Variants in KCNIP4 observed in about 807,000 individuals in gnomAD.
The protein encoded by KCNIP4 is potassium voltage-gated channel interacting protein 4, also known as Kv channel-interacting protein 4.
A neutral mutation model predicts 34.0 loss-of-function variants in KCNIP4; 12 were observed. That is an observed-to-expected ratio of 0.35 (90% confidence interval 0.23 to 0.57). KCNIP4 has a LOEUF of 0.57. Among genes scored for constraint, KCNIP4 ranks in the 20% least tolerant of loss-of-function variants. KCNIP4 has a pLI of 0.83. For missense variants in KCNIP4, 238 were observed against 311.7 expected (o/e 0.76, Z 1.78); for synonymous variants, 124 against 102.2 (o/e 1.21, Z -1.29).
At chr4:21,025,715 G>C (rs888330901) in intron 1 of KCNIP4, among the ~76,000 whole-genome samples, 2 of 151,512 alleles carry the variant, frequency 1.3e-5, no homozygotes, top group Admixed American at 1.3e-4. Flanking sequence ...CACCACGCCC[G>C]GCTAATTTTT....
intron 1 of KCNIP4, among the ~76,000 whole-genome samples, chr4:21,125,657 A>G (rs1750555039): frequency 6.6e-6 from 1 of 152,162 alleles, no homozygotes; most frequent in African/African-American, 2.4e-5. Flanking sequence ...ACAGTAAATT[A>G]TAGATGATTT....
intron 1 of KCNIP4, among the ~76,000 whole-genome samples, chr4:20,933,470 A>G (rs1037668951): frequency 4.4e-4 from 67 of 152,300 alleles, no homozygotes; most frequent in African/African-American, 1.6e-3. Context: ...ATCTACCAAT[A>G]GAAGGTGTTA....
intron 1 of KCNIP4, among the ~76,000 whole-genome samples, chr4:21,000,732 T>G (rs1218749413): frequency 6.6e-6 from 1 of 151,996 alleles, no homozygotes; most frequent in African/African-American, 2.4e-5. Flanking sequence ...ATGGGGTATG[T>G]GCCTTTTATG....
intron 1 of KCNIP4, chr4:20,984,108 TC>T: frequency 1.2e-6 from 1 of 858,182 alleles, no homozygotes; most frequent in Non-Finnish European, 1.7e-6. Context: ...TGGGCTAAAG[TC>T]CAGCTTCTCA....
intron 1 of KCNIP4, among the ~76,000 whole-genome samples, chr4:21,897,586 G>C (rs1473270802): frequency 6.6e-6 from 1 of 152,114 alleles, no homozygotes; most frequent in Admixed American, 6.5e-5. Flanking sequence ...TTAGAGTTTG[G>C]AGGGCAAGAA....
intron 1 of KCNIP4, among the ~76,000 whole-genome samples, chr4:20,936,564 T>TA (rs11340484): frequency 6.6e-6 from 1 of 151,778 alleles, no homozygotes; most frequent in Non-Finnish European, 1.5e-5. Flanking sequence ...TAGTAGGTAT[T>TA]AAAAAAAATT....
At chr4:21,452,989 G>A (rs1728639156) in intron 1 of KCNIP4, among the ~76,000 whole-genome samples, 1 of 152,102 alleles carries the variant, frequency 6.6e-6, no homozygotes, top group Non-Finnish European at 1.5e-5. Flanking sequence ...GTAGATGAGA[G>A]TCTTGTGGCA....
chr4:21,291,991 A>G (rs1232627795), intron 1 of KCNIP4, among the ~76,000 whole-genome samples: 1 of 152,180 alleles, frequency 6.6e-6, no homozygotes, highest in Non-Finnish European at 1.5e-5. Context: ...TTCAGAATAC[A>G]AGTAGAAAAT....
At chr4:20,743,694 C>G (rs1751723426) in intron 5 of KCNIP4, among the ~76,000 whole-genome samples, 1 of 152,102 alleles carries the variant, frequency 6.6e-6, no homozygotes, top group African/African-American at 2.4e-5. Flanking sequence ...CAATACCATT[C>G]AGGACATAGG....
intron 1 of KCNIP4, among the ~76,000 whole-genome samples, chr4:21,231,889 T>G (rs545625580): frequency 2.6e-5 from 4 of 152,172 alleles, no homozygotes; most frequent in Non-Finnish European, 5.9e-5. Context: ...GATGCCTGAC[T>G]TTCCCAATCT....
intron 1 of KCNIP4, among the ~76,000 whole-genome samples, chr4:21,029,403 T>C (rs1328674461): frequency 6.6e-6 from 1 of 152,264 alleles, no homozygotes; most frequent in Non-Finnish European, 1.5e-5. Context: ...TTCTATGATG[T>C]ACTAACAGTG....
At chr4:21,840,536 T>C (rs1723613921) in intron 1 of KCNIP4, among the ~76,000 whole-genome samples, 2 of 152,176 alleles carry the variant, frequency 1.3e-5, no homozygotes, top group African/African-American at 4.8e-5. Context: ...TGTTTTCTTC[T>C]GACCAACTTA....
chr4:20,797,762 G>T (rs1349012334), intron 3 of KCNIP4, among the ~76,000 whole-genome samples: 2 of 152,276 alleles, frequency 1.3e-5, no homozygotes, highest in Non-Finnish European at 2.9e-5. Context: ...CTGTGGGTCG[G>T]CAGGGAATTA....
At chr4:20,845,007 G>A (rs927293737) in intron 3 of KCNIP4, among the ~76,000 whole-genome samples, 2 of 152,204 alleles carry the variant, frequency 1.3e-5, no homozygotes, top group African/African-American at 4.8e-5. Context: ...TGACTGCAGA[G>A]CACATTAAGC....
Position 20,924,598 on chromosome 4 carries a change from G to A in KCNIP4, c.62-41889C>T, listed in dbSNP as rs138806553. On this transcript the variant is annotated intron_variant, in intron 1 of 8. Coordinates refer to ENST00000382152, the MANE Select transcript of KCNIP4 (RefSeq NM_025221.6). Reference sequence around the variant, plus strand: ...ATGTTGAATGAACGAATGACTTTGCGCCAGTTTCTAAGCCTCTGTAAACTA... The same window carrying A: ...ATGTTGAATGAACGAATGACTTTGCACCAGTTTCTAAGCCTCTGTAAACTA... Among the ~76,000 whole-genome samples, 22 of 152,196 alleles carry A rather than the reference G, an allele frequency of 1.4e-4. No individual in the cohort carries two copies. In the East Asian group the frequency reaches 3.1e-3, roughly 21 times the overall value.
chr4:21,429,780 T>G (rs1426738336), intron 1 of KCNIP4, among the ~76,000 whole-genome samples: 1 of 152,206 alleles, frequency 6.6e-6, no homozygotes, highest in Non-Finnish European at 1.5e-5. Flanking sequence ...GCCCTCAAAC[T>G]GGGAAGGAAA....
At chr4:21,312,044 T>G (rs1388613522) in intron 1 of KCNIP4, among the ~76,000 whole-genome samples, 1 of 152,104 alleles carries the variant, frequency 6.6e-6, no homozygotes, top group Non-Finnish European at 1.5e-5. Flanking sequence ...ACACCCAGAC[T>G]TCACCACCCA....
intron 1 of KCNIP4, among the ~76,000 whole-genome samples, chr4:21,101,728 T>A (rs1747960570): frequency 6.6e-6 from 1 of 152,134 alleles, no homozygotes; most frequent in Non-Finnish European, 1.5e-5. Flanking sequence ...GTATATAAAT[T>A]TTATTGCAGT....
chr4:21,903,317 G>A (rs539738771), intron 1 of KCNIP4, among the ~76,000 whole-genome samples: 1 of 152,074 alleles, frequency 6.6e-6, no homozygotes, highest in Non-Finnish European at 1.5e-5. Context: ...ACCAGGAATA[G>A]GAATGATAAA....
Sources: gnomAD v4.1 joint callset for allele counts (sites outside exome capture counted in the v4.1 genomes callset) on GRCh38, gnomAD v4.1.1 for gene constraint, MANE v1.5 for transcripts, NCBI Gene and HGNC (gene_info 2026-07-23, HGNC 2026-07-21) for gene names.